Variants in MYCBP2 observed in about 807,000 individuals in gnomAD.
The protein encoded by MYCBP2 is E3 ubiquitin-protein ligase MYCBP2.
MYCBP2 carries 120 observed loss-of-function variants against 525.3 expected under a neutral mutation model. The ratio of observed to expected loss-of-function variants is 0.23; its 90% confidence interval spans 0.20 to 0.27. MYCBP2 has a LOEUF of 0.27. Ranked by LOEUF, MYCBP2 falls within the 10% of genes least tolerant of loss-of-function variation. The pLI, the probability that MYCBP2 is intolerant of heterozygous loss-of-function variation, is 1.00. For synonymous variants in MYCBP2, 1,894 were observed against 1,955.8 expected, an observed-to-expected ratio of 0.97 and a Z score of 0.83; for missense variants, 4,149 against 5,657.1, an observed-to-expected ratio of 0.73 and a Z score of 8.55.
chr13:77,125,196 C>G (rs959583893), intron 54 of MYCBP2, 140 bp downstream of exon 54: 1 of 1,049,062 alleles, frequency 9.5e-7, no homozygotes, highest in Admixed American at 2.5e-5. Context: ...TTAACAGTTG[C>G]AAGATTTTTT....
At chr13:77,213,924 C>T (rs138681893) in intron 21 of MYCBP2, among the ~76,000 whole-genome samples, 6 of 152,338 alleles carry the variant, frequency 3.9e-5, no homozygotes, top group Admixed American at 2.0e-4. Flanking sequence ...CTCCACCCAC[C>T]GGCTACTGCA....
rs182208428 is a variant in MYCBP2, at chr13:77,078,437, T to C, written c.11484+387A>G. Among the ~76,000 whole-genome samples the C allele has an allele frequency of 1.4e-3, 210 of 152,302 alleles. 2 individuals carry two copies. Among genetic ancestry groups the C allele is most frequent in the Non-Finnish European group, 2.1e-3 (142 of 68,022 alleles). On this transcript the variant is annotated intron_variant, in intron 66 of 82. Transcript: ENST00000544440. The stretch of plus-strand genomic sequence containing the variant: ...CTGGATATAGCTGCAGTGTTATAAG[T>C]GTTATAACAGACAGATTTTTCAGGC...
rs776178230 is a variant in MYCBP2, at chr13:77,118,439, G to A, written c.8140+2934C>T. 3 of 764,936 alleles carry A rather than the reference G, an allele frequency of 3.9e-6. No individual in the cohort carries two copies. In the East Asian group the frequency reaches 7.3e-5, roughly 19 times the overall value. 47.4% of individuals were successfully genotyped at this position (764,936 alleles called of 1,614,324 possible). A position where few individuals can be genotyped will look rare whatever the true frequency, so the allele number is the denominator to read the frequency against. On this transcript the variant is annotated intron_variant, in intron 55 of 82. Transcript: ENST00000544440. The stretch of plus-strand genomic sequence containing the variant: ...TTTGCAGCTTGATCAAAGATGGAAG[G>A]AGCTGGGAGATTGGGTCGTGACTGA...
chr13:77,114,205 G>C (rs1229666035), intron 55 of MYCBP2, among the ~76,000 whole-genome samples: 1 of 152,056 alleles, frequency 6.6e-6, no homozygotes, highest in Non-Finnish European at 1.5e-5. Flanking sequence ...AAGGAACTAG[G>C]AAAGCTCATT....
intron 27 of MYCBP2, among the ~76,000 whole-genome samples, chr13:77,193,338 C>T (rs190341633): frequency 6.6e-6 from 1 of 152,072 alleles, no homozygotes; most frequent in South Asian, 2.1e-4. Context: ...TAGATTTACT[C>T]TTTTGTTTTC....
chr13:77,316,744 C>T (rs2080992409), intron 1 of MYCBP2, among the ~76,000 whole-genome samples: 1 of 152,158 alleles, frequency 6.6e-6, no homozygotes, highest in East Asian at 1.9e-4. Context: ...GCTAGTATTT[C>T]TGTTGGTCCA....
intron 4 of MYCBP2, among the ~76,000 whole-genome samples, chr13:77,277,484 A>G (rs1221035788): frequency 6.6e-6 from 1 of 152,226 alleles, no homozygotes; most frequent in East Asian, 1.9e-4. Flanking sequence ...AAAACAAACA[A>G]AAGTCAAACA....
intron 7 of MYCBP2, 78 bp from the exon 8 acceptor site, chr13:77,268,015 T>C: frequency 1.2e-6 from 1 of 837,888 alleles, no homozygotes; most frequent in African/African-American, 1.7e-5. Context: ...AGCTCCATAT[T>C]ACAGGTTTTT....
intron 26 of MYCBP2, among the ~76,000 whole-genome samples, chr13:77,200,578 G>A (rs1484013533): frequency 6.6e-6 from 1 of 152,062 alleles, no homozygotes; most frequent in Non-Finnish European, 1.5e-5. Context: ...GCAACTCCAA[G>A]GCACATAATT....
At chr13:77,313,867 C>T (rs1051436986) in intron 1 of MYCBP2, among the ~76,000 whole-genome samples, 1 of 151,470 alleles carries the variant, frequency 6.6e-6, no homozygotes, top group Non-Finnish European at 1.5e-5. Context: ...GACACCTCAC[C>T]GAACAAGATA....
intron 79 of MYCBP2, 81 bp downstream of exon 79, chr13:77,056,905 T>C: frequency 9.3e-7 from 1 of 1,075,152 alleles, no homozygotes; most frequent in East Asian, 2.4e-5. Context: ...AACCAAGAGA[T>C]ACTGACATAT....
rs756746741 is a variant in MYCBP2 at position 77,096,331 on chromosome 13, T to A, written c.9935A>T (p.Gln3312Leu). ...RCREKYLREK[Q>L]AAAREKVKQS... is the part of the protein sequence containing the mutation. ...AAATACCTTCTCCCTTGCAGCAGCC[T>A]GTTTTTCGCGGAGGTATTTTTCTCT... The change falls in exon 57 of 83, where the codon CAG becomes CTG. Residue 3312 changes from glutamine to leucine, a missense_variant. Coordinates refer to ENST00000544440, the MANE Select transcript of MYCBP2 (RefSeq NM_015057.5). 1 of 1,613,098 alleles carries A rather than the reference T, an allele frequency of 6.2e-7. No homozygotes were observed. Among genetic ancestry groups the A allele is most frequent in the Non-Finnish European group, 8.5e-7 (1 of 1,179,384 alleles).
intron 35 of MYCBP2, 43 bp from the exon 36 acceptor site, chr13:77,176,671 A>C: frequency 4.3e-6 from 6 of 1,402,054 alleles, no homozygotes; most frequent in Non-Finnish European, 5.7e-6. Context: ...ACAGACTCTT[A>C]ATTTTATTGT....
At chr13:77,074,091 T>G (rs749609246) in intron 68 of MYCBP2, among the ~76,000 whole-genome samples, 1 of 146,442 alleles carries the variant, frequency 6.8e-6, no homozygotes, top group African/African-American at 2.5e-5. Flanking sequence ...CCAAAATAAC[T>G]TAGATAAAGA....
intron 47 of MYCBP2, among the ~76,000 whole-genome samples, chr13:77,147,044 A>G (rs1312359961): frequency 1.3e-5 from 2 of 152,182 alleles, no homozygotes; most frequent in Admixed American, 1.3e-4. Flanking sequence ...AGCAGTTAAA[A>G]TGAATGACCT....
In MYCBP2 at chr13:77,045,425, C is replaced by A; in HGVS notation, c.13990G>T (p.Glu4664Ter). ...CACACTCCACATCCCAGAGCAAACTCTTCCCCAGTGGGTGGATGAACAACA... is the reference window on the plus strand; with the variant it reads ...CACACTCCACATCCCAGAGCAAACTATTCCCCAGTGGGTGGATGAACAACA... ...LHVVHPPTGE[E>*]FALGCGVCRN... The change falls in exon 83 of 83, where the codon GAG (glutamate) becomes TAG (stop). Residue 4664 changes from glutamate to a stop codon, truncating the protein, a stop_gained. Transcript: ENST00000544440. LOFTEE classifies it high-confidence loss of function. The A allele has an allele frequency of 6.2e-7, 1 of 1,614,198 alleles. No individual in the cohort carries two copies. Among genetic ancestry groups the A allele is most frequent in the Non-Finnish European group, 8.5e-7 (1 of 1,180,030 alleles).
Position 77,243,170 on chromosome 13 carries a change from T to C in MYCBP2, c.2528-10A>G, listed in dbSNP as rs766486402. The stretch of plus-strand genomic sequence containing the variant: ...CCGGGCACTGGGACAGCTAGATGAT[T>C]GGCCAAAAACAACAACAACAACAAC... On this transcript the variant is annotated splice_polypyrimidine_tract_variant and intron_variant, in intron 16 of 82. Coordinates refer to ENST00000544440, the MANE Select transcript of MYCBP2 (RefSeq NM_015057.5). The C allele has an allele frequency of 1.2e-6, 2 of 1,600,064 alleles. No homozygotes were observed. The highest frequency in any genetic ancestry group is 2.2e-5 in the South Asian group (2 of 90,806).
intron 31 of MYCBP2, 147 bp from the exon 32 acceptor site, chr13:77,185,524 T>A (rs1389186210): frequency 1.1e-5 from 10 of 886,952 alleles, no homozygotes; most frequent in Non-Finnish European, 1.5e-5. Context: ...TTAAGTGTAG[T>A]CCCAATTTTT....
At chr13:77,304,284 A>G (rs2079135222) in intron 1 of MYCBP2, among the ~76,000 whole-genome samples, 1 of 152,206 alleles carries the variant, frequency 6.6e-6, no homozygotes, top group African/African-American at 2.4e-5. Flanking sequence ...ACAATGAAAT[A>G]CCATTTAGTG....
Sources: allele counts gnomAD v4.1 joint callset (sites outside exome capture counted in the v4.1 genomes callset), GRCh38; gene constraint gnomAD v4.1.1; transcripts MANE v1.5; gene names NCBI Gene and HGNC (gene_info 2026-07-23, HGNC 2026-07-21).